Variants in RIMS1 observed in about 807,000 individuals in gnomAD.
The protein encoded by RIMS1 is regulating synaptic membrane exocytosis 1.
A neutral mutation model predicts 214.1 loss-of-function variants in RIMS1; 83 were observed. The observed-to-expected ratio is 0.39, with a 90% CI of 0.32 to 0.47. The LOEUF (loss-of-function observed/expected upper bound fraction) is 0.47, where lower values mean the gene tolerates loss of function less well. Ranked by LOEUF, RIMS1 falls within the 20% of genes least tolerant of loss-of-function variation. The pLI is 0.99. For missense variants in RIMS1, 2,050 were observed against 2,161.8 expected (o/e 0.95, Z 1.03); for synonymous variants, 793 against 786.8 (o/e 1.01, Z -0.13).
In RIMS1 at chr6:72,244,311, T is replaced by C. The variant is rs557841923; in HGVS notation, c.2082-1504T>C. ...CTAATAAAGAATTCCACTGGATATG[T>C]AAACATCCAGTGGAAATTTATGCCT... is the stretch of plus-strand genomic sequence containing the variant. On this transcript the variant is annotated intron_variant, in intron 10 of 33. Transcript: ENST00000521978. Among the ~76,000 whole-genome samples the C allele has an allele frequency of 8.6e-5, 13 of 151,958 alleles. No homozygotes were observed. The East Asian group carries it at 1.4e-3, about 16-fold the overall frequency.
chr6:72,080,199 G>C (rs1833018577), intron 2 of RIMS1, among the ~76,000 whole-genome samples: 1 of 151,588 alleles, frequency 6.6e-6, no homozygotes, highest in Admixed American at 6.6e-5. Flanking sequence ...GGGAGGCAGA[G>C]GTTGCAGTGA....
At chr6:72,162,126 C>G (rs2045523496) in intron 4 of RIMS1, among the ~76,000 whole-genome samples, 1 of 140,928 alleles carries the variant, frequency 7.1e-6, no homozygotes. Context: ...GAATTGATCC[C>G]TTTACCATTA....
At chr6:72,117,995 TA>T (rs1357612942) in intron 4 of RIMS1, among the ~76,000 whole-genome samples, 1 of 151,918 alleles carries the variant, frequency 6.6e-6, no homozygotes, top group East Asian at 1.9e-4. Context: ...ATCAATTATT[TA>T]AAAAGATATA....
At chr6:72,370,326 T>C (rs1476031587) in intron 29 of RIMS1, among the ~76,000 whole-genome samples, 1 of 152,166 alleles carries the variant, frequency 6.6e-6, no homozygotes, top group Non-Finnish European at 1.5e-5. Context: ...TAGATAATAA[T>C]GAATTAGAGG....
intron 29 of RIMS1, among the ~76,000 whole-genome samples, chr6:72,380,947 C>T (rs1480268444): frequency 1.3e-5 from 2 of 152,162 alleles, no homozygotes; most frequent in Non-Finnish European, 2.9e-5. Flanking sequence ...CTTAAAGTAT[C>T]TCAATCATCA....
rs190346267 is a variant in RIMS1 at position 72,293,888 on chromosome 6, A to G, written c.3850+1842A>G. On this transcript the variant is annotated intron_variant, in intron 26 of 33. Coordinates refer to ENST00000521978, the MANE Select transcript of RIMS1 (RefSeq NM_014989.7). ...TTGAGGTGGGAAGAAGGGAATGACT[A>G]CATTGGTGGAGTTACTTTGATATTT... Among the ~76,000 whole-genome samples the G allele has an allele frequency of 1.3e-3, 199 of 151,910 alleles. 1 individual carries two copies. The East Asian group carries it at 0.031, about 24-fold the overall frequency.
intron 4 of RIMS1, among the ~76,000 whole-genome samples, chr6:72,141,918 A>G (rs1377109682): frequency 1.3e-5 from 2 of 152,044 alleles, no homozygotes; most frequent in Admixed American, 6.5e-5. Flanking sequence ...TAGGTGGCCT[A>G]TTAGCTTCCT....
chr6:72,316,707 G>A (rs1320235635), intron 28 of RIMS1: 22 of 638,322 alleles, frequency 3.4e-5, no homozygotes, highest in Non-Finnish European at 6.0e-5. Context: ...CCTGGAAGAG[G>A]GTGTCTAGAT....
At chr6:72,329,050 A>G (rs374858253) in intron 28 of RIMS1, among the ~76,000 whole-genome samples, 78 of 151,700 alleles carry the variant, frequency 5.1e-4, no homozygotes, top group Middle Eastern at 3.4e-3. Flanking sequence ...CAAAACAAAA[A>G]CATGCATAGA....
chr6:72,082,592 A>C (rs558642266), intron 2 of RIMS1, among the ~76,000 whole-genome samples: 41 of 152,320 alleles, frequency 2.7e-4, no homozygotes, highest in Non-Finnish European at 4.9e-4. Context: ...GCACACATGG[A>C]GATTAAATCT....
chr6:72,139,562 A>G (rs1410300587), intron 4 of RIMS1, among the ~76,000 whole-genome samples: 1 of 152,108 alleles, frequency 6.6e-6, no homozygotes, highest in Admixed American at 6.5e-5. Flanking sequence ...AAGCTTTGTG[A>G]TCTTGGAGAC....
intron 2 of RIMS1, among the ~76,000 whole-genome samples, chr6:72,078,081 T>C (rs1330796337): frequency 2.0e-5 from 3 of 152,198 alleles, no homozygotes; most frequent in African/African-American, 7.2e-5. Context: ...TTGAAAGCAA[T>C]CTGTTAAAAA....
intron 2 of RIMS1, among the ~76,000 whole-genome samples, chr6:71,991,654 C>G (rs1349314202): frequency 2.0e-5 from 3 of 152,116 alleles, no homozygotes; most frequent in Admixed American, 2.0e-4. Context: ...GTTACATTAA[C>G]AAGGGAGAAA....
intron 2 of RIMS1, among the ~76,000 whole-genome samples, chr6:72,035,439 A>C (rs1819365237): frequency 6.6e-6 from 1 of 152,132 alleles, no homozygotes; most frequent in Non-Finnish European, 1.5e-5. Flanking sequence ...TTGGTGCTTT[A>C]ATGTTTTTAA....
intron 28 of RIMS1, among the ~76,000 whole-genome samples, chr6:72,320,068 C>T (rs771030896): frequency 2.0e-5 from 3 of 151,986 alleles, no homozygotes; most frequent in Non-Finnish European, 4.4e-5. Context: ...ATTTAAAATT[C>T]GAATTTTGAT....
intron 4 of RIMS1, among the ~76,000 whole-genome samples, chr6:72,159,752 T>C (rs2045037243): frequency 7.1e-6 from 1 of 140,024 alleles, no homozygotes; most frequent in African/African-American, 2.5e-5. Context: ...GATCTATATC[T>C]CTGTTTTGGT....
intron 29 of RIMS1, among the ~76,000 whole-genome samples, chr6:72,339,008 G>A (rs2096947842): frequency 6.6e-6 from 1 of 151,842 alleles, no homozygotes; most frequent in Non-Finnish European, 1.5e-5. Flanking sequence ...GGGATGAAGG[G>A]ATGAATGGCA....
At chr6:72,116,450 A>G (rs1465242961) in intron 4 of RIMS1, among the ~76,000 whole-genome samples, 1 of 152,038 alleles carries the variant, frequency 6.6e-6, no homozygotes, top group African/African-American at 2.4e-5. Context: ...AGACAGTTGT[A>G]CTGTTTCATA....
chr6:72,355,680 A>G (rs1330097602), intron 29 of RIMS1, among the ~76,000 whole-genome samples: 1 of 152,160 alleles, frequency 6.6e-6, no homozygotes, highest in Non-Finnish European at 1.5e-5. Context: ...CCTATTCTGC[A>G]TGATATTTTA....
Sources: allele counts gnomAD v4.1 joint callset (sites outside exome capture counted in the v4.1 genomes callset), GRCh38; gene constraint gnomAD v4.1.1; transcripts MANE v1.5; gene names NCBI Gene and HGNC (gene_info 2026-07-23, HGNC 2026-07-21).